PLXNA4: variants seen among roughly 807,000 people sequenced by gnomAD.
PLXNA4 encodes plexin A4, also known as plexin-A4.
A neutral mutation model predicts 191.8 loss-of-function variants in PLXNA4; 44 were observed. That is an observed-to-expected ratio of 0.23 (90% CI 0.18 to 0.29). The LOEUF (loss-of-function observed/expected upper bound fraction) is 0.29, where lower values mean the gene tolerates loss of function less well. Among genes scored for constraint, PLXNA4 ranks in the 10% least tolerant of loss-of-function variants. PLXNA4 has a pLI of 1.00. For missense variants in PLXNA4, 1,800 were observed against 2,488.8 expected, an observed-to-expected ratio of 0.72 and a Z score of 5.89; for synonymous variants, 1,082 against 1,009.5, an observed-to-expected ratio of 1.07 and a Z score of -1.36.
intron 3 of PLXNA4, among the ~76,000 whole-genome samples, chr7:132,378,847 C>CTTTTT (rs11375919): frequency 2.5e-5 from 3 of 119,048 alleles, no homozygotes; most frequent in Non-Finnish European, 5.1e-5. Flanking sequence ...GGCACTGGAT[C>CTTTTT]TTTTTTTTTT....
intron 3 of PLXNA4, among the ~76,000 whole-genome samples, chr7:132,456,369 T>A (rs1317857917): frequency 1.3e-5 from 2 of 152,110 alleles, no homozygotes; most frequent in Non-Finnish European, 2.9e-5. Flanking sequence ...TGCCTCGGCC[T>A]CCCAAAGTGC....
chr7:132,510,915 T>G (rs1798687352), intron 1 of PLXNA4, among the ~76,000 whole-genome samples: 1 of 152,158 alleles, frequency 6.6e-6, no homozygotes, highest in Non-Finnish European at 1.5e-5. Context: ...AGGATGTCAC[T>G]GGGAAGTTGA....
At chr7:132,588,191 C>T (rs1307745686) in intron 2 of PLXNA4, among the ~76,000 whole-genome samples, 1 of 152,056 alleles carries the variant, frequency 6.6e-6, no homozygotes, top group African/African-American at 2.4e-5. Flanking sequence ...GGACTGTGAA[C>T]CTGGAGGCTG....
chr7:132,395,970 T>C (rs554681611), intron 3 of PLXNA4, among the ~76,000 whole-genome samples: 18 of 152,280 alleles, frequency 1.2e-4, no homozygotes, highest in Non-Finnish European at 2.2e-4. Context: ...AGAGCTGCCA[T>C]AGTTTGGTGA....
At chr7:132,446,998 T>A (rs1795935450) in intron 3 of PLXNA4, among the ~76,000 whole-genome samples, 1 of 152,184 alleles carries the variant, frequency 6.6e-6, no homozygotes, top group Non-Finnish European at 1.5e-5. Context: ...CTTTGCCCAG[T>A]GATCTGCTGA....
chr7:132,262,183 G>A lies in PLXNA4; in HGVS notation c.1504-21017C>T, dbSNP rs572214511. 7.9e-5 allele frequency among the ~76,000 whole-genome samples: 12 copies of A among 152,208 alleles called. No homozygotes were observed. The South Asian group carries it at 1.2e-3, about 16-fold the overall frequency. On this transcript the variant is annotated intron_variant, in intron 4 of 31. Transcript: ENST00000321063. The stretch of plus-strand genomic sequence containing the variant: ...AAATCAATTTTAATTATAAAAATCC[G>A]TTTACTGTATCAATAAATCATTCTG...
chr7:132,281,260 T>G (rs1415782740), intron 4 of PLXNA4, among the ~76,000 whole-genome samples: 1 of 152,040 alleles, frequency 6.6e-6, no homozygotes, highest in Non-Finnish European at 1.5e-5. Context: ...GACGCAGAGA[T>G]GCAAAAAAGT....
intron 3 of PLXNA4, chr7:132,384,918 A>T: frequency 7.9e-7 from 1 of 1,263,342 alleles, no homozygotes; most frequent in Non-Finnish European, 1.0e-6. Context: ...TACAAGTGAT[A>T]ACACCACAAG....
chr7:132,495,942 A>G (rs776487393), intron 2 of PLXNA4, among the ~76,000 whole-genome samples: 9 of 152,224 alleles, frequency 5.9e-5, no homozygotes, highest in Non-Finnish European at 1.3e-4. Context: ...AAACCTACTA[A>G]GCCCCAAGCA....
At chr7:132,228,303 T>C (rs754918138) in intron 6 of PLXNA4, 43 bp downstream of exon 6, 2 of 1,611,088 alleles carry the variant, frequency 1.2e-6, no homozygotes, top group Non-Finnish European at 1.7e-6. Context: ...GGGAGAGTTT[T>C]CCTTGCATCC....
At chr7:132,591,997 G>A (rs1403960575) in intron 2 of PLXNA4, among the ~76,000 whole-genome samples, 1 of 152,142 alleles carries the variant, frequency 6.6e-6, no homozygotes, top group African/African-American at 2.4e-5. Flanking sequence ...TTGGCTGGTG[G>A]GAACTTCTGT....
intron 25 of PLXNA4, among the ~76,000 whole-genome samples, chr7:132,157,043 C>A (rs1031163008): frequency 6.6e-6 from 1 of 152,196 alleles, no homozygotes; most frequent in Non-Finnish European, 1.5e-5. Flanking sequence ...TGCCCCAGGC[C>A]TCTCTTTGTT....
At chr7:132,436,731 T>C (rs573317596) in intron 3 of PLXNA4, among the ~76,000 whole-genome samples, 8 of 152,186 alleles carry the variant, frequency 5.3e-5, no homozygotes, top group Non-Finnish European at 8.8e-5. Flanking sequence ...ACAGAGATAG[T>C]GAAAAGGTCA....
chr7:132,432,335 T>C (rs1413303037), intron 3 of PLXNA4, among the ~76,000 whole-genome samples: 1 of 152,142 alleles, frequency 6.6e-6, no homozygotes, highest in Non-Finnish European at 1.5e-5. Flanking sequence ...GGAATGGGGA[T>C]TTGAGAAAAA....
chr7:132,424,455 G>A (rs927762997), intron 3 of PLXNA4, among the ~76,000 whole-genome samples: 8 of 152,148 alleles, frequency 5.3e-5, no homozygotes, highest in East Asian at 3.9e-4. Context: ...GGCTGATGTC[G>A]TCTTCATCCT....
intron 2 of PLXNA4, among the ~76,000 whole-genome samples, chr7:132,628,731 C>T (rs932993853): frequency 3.3e-5 from 5 of 152,096 alleles, no homozygotes; most frequent in Admixed American, 3.3e-4. Flanking sequence ...TATTTCTGTT[C>T]TCTTATTTTT....
intron 3 of PLXNA4, among the ~76,000 whole-genome samples, chr7:132,337,275 C>T (rs568549126): frequency 2.6e-5 from 4 of 152,314 alleles, no homozygotes; most frequent in South Asian, 4.1e-4. Flanking sequence ...CAGCTATGTG[C>T]AAATAAAAAC....
At chr7:132,465,555 A>G (rs1314697622) in intron 3 of PLXNA4, among the ~76,000 whole-genome samples, 9 of 152,168 alleles carry the variant, frequency 5.9e-5, no homozygotes, top group Admixed American at 2.0e-4. Flanking sequence ...CTAGTGGGAA[A>G]ATGTAGTCCA....
chr7:132,433,122 AACTTAGGAGCCAT>A (rs1795334040), intron 3 of PLXNA4, among the ~76,000 whole-genome samples: 1 of 152,196 alleles, frequency 6.6e-6, no homozygotes, highest in Non-Finnish European at 1.5e-5. Flanking sequence ...TGCGTTGGAA[AACTTAGGAGCCAT>A]ATTTAATTTC....
Sources: allele counts gnomAD v4.1 joint callset (sites outside exome capture counted in the v4.1 genomes callset), GRCh38; gene constraint gnomAD v4.1.1; transcripts MANE v1.5; gene names NCBI Gene and HGNC (gene_info 2026-07-23, HGNC 2026-07-21).